AKAP8L: variants seen among roughly 807,000 people sequenced by gnomAD.
The protein encoded by AKAP8L is A-kinase anchor protein 8-like.
In AKAP8L, 34 loss-of-function variants were observed where a neutral mutation model predicts 77.5. The ratio of observed to expected loss-of-function variants is 0.44; its 90% confidence interval spans 0.33 to 0.58. AKAP8L has a LOEUF of 0.58. AKAP8L is among the 20% of genes least tolerant of loss of function. The pLI, the probability that AKAP8L is intolerant of heterozygous loss-of-function variation, is 0.02. For missense variants in AKAP8L, 806 were observed against 887.6 expected, an observed-to-expected ratio of 0.91 and a Z score of 1.17; for synonymous variants, 342 against 340.7, an observed-to-expected ratio of 1.00 and a Z score of -0.04.
chr19:15,414,050 T>C (rs1968155364), intron 1 of AKAP8L, among the ~76,000 whole-genome samples: 2 of 151,352 alleles, frequency 1.3e-5, no homozygotes, highest in Admixed American at 6.6e-5. Context: ...GCTCCTATTA[T>C]GAATAATTCT....
chr19:15,403,286 G>A lies in AKAP8L; in HGVS notation c.362+189C>T. ...GCTGACCACCAGGCAGTGCGGCAGG[G>A]GTTGAGGGTGGGTGAGAGGAGACAC... is the stretch of plus-strand genomic sequence containing the variant. On this transcript the variant is annotated intron_variant, in intron 4 of 13. Coordinates refer to ENST00000397410, the MANE Select transcript of AKAP8L (RefSeq NM_014371.4). The surrounding 1 kb of genome is among the most constrained non-coding windows in gnomAD (Gnocchi z 4.3). 1 of 611,436 alleles carries A rather than the reference G, an allele frequency of 1.6e-6. No individual in the cohort carries two copies. The highest frequency in any genetic ancestry group is 2.9e-6 in the Non-Finnish European group (1 of 344,066). 37.9% of individuals were successfully genotyped at this position (611,436 alleles called of 1,614,324 possible).
At chr19:15,400,273 C>G in intron 8 of AKAP8L, 22 bp downstream of exon 8, 1 of 1,613,616 alleles carries the variant, frequency 6.2e-7, no homozygotes, top group Non-Finnish European at 8.5e-7. Context: ...GCCCTAGCAC[C>G]AGGCACCCCA....
At chr19:15,418,880 G>A (rs529374073) in intron 1 of AKAP8L, 31 bp downstream of exon 1, 4 of 1,593,494 alleles carry the variant, frequency 2.5e-6, no homozygotes, top group African/African-American at 1.3e-5. Context: ...CATCCCCCAC[G>A]CAGAGCCCGA....
chr19:15,413,049 A>C (rs947590704), intron 1 of AKAP8L, among the ~76,000 whole-genome samples: 4 of 152,154 alleles, frequency 2.6e-5, no homozygotes, highest in South Asian at 4.1e-4. Context: ...TCTCTATTTT[A>C]TCTCTTAAGA....
chr19:15,385,199 G>A (rs1002023979), intron 12 of AKAP8L, among the ~76,000 whole-genome samples: 6 of 151,744 alleles, frequency 4.0e-5, no homozygotes, highest in Non-Finnish European at 8.8e-5. Flanking sequence ...GGATGGTCTC[G>A]ATCTCCTGAC....
In AKAP8L at chr19:15,395,893, A is replaced by G. The variant is rs2145124569; in HGVS notation, c.1536+1257T>C. On this transcript the variant is annotated intron_variant, in intron 12 of 13. Transcript: ENST00000397410. ...CAGCTACTCGGGAGGCTGAGGCAGG[A>G]GAATGGCGTGAACCCGGGAGGCGGA... 1.5e-5 allele frequency among the ~76,000 whole-genome samples: 2 copies of G among 135,618 alleles called. 1 individual carries two copies. Among genetic ancestry groups the G allele is most frequent in the South Asian group, 5.1e-4 (2 of 3,924 alleles). The allele number at this position is 135,618 out of a possible 152,430, so 89.0% of individuals were successfully genotyped here. A position where few individuals can be genotyped will look rare whatever the true frequency, so the allele number is the denominator to read the frequency against.
chr19:15,393,284 A>G (rs1729455530), intron 12 of AKAP8L, among the ~76,000 whole-genome samples: 1 of 152,216 alleles, frequency 6.6e-6, no homozygotes, highest in Non-Finnish European at 1.5e-5. Context: ...GGATTTATCA[A>G]TAGATTCTTA....
At position 15,397,477 on chromosome 19, in the gene AKAP8L, G is replaced by A. The variant is rs1351936465; in HGVS notation, c.1405+43C>T. 1.3e-6 allele frequency: 2 copies of A among 1,568,400 alleles called. No homozygotes were observed. Among genetic ancestry groups the A allele is most frequent in the Non-Finnish European group, 1.8e-6 (2 of 1,141,860 alleles). On this transcript the variant is annotated intron_variant, in intron 11 of 13. Coordinates refer to ENST00000397410, the MANE Select transcript of AKAP8L (RefSeq NM_014371.4). This position sits in a 1 kb window ranked among gnomAD's most constrained non-coding sequence, Gnocchi z 4.7. ...CCTGCACCGAAAATCAGGAGTGCAG[G>A]CTGAGGCCTTGCCTGGTGGGAGTGG...
At chr19:15,400,100 CCTGGGAAGGA>C (rs2145131044) in intron 8 of AKAP8L, 185 bp downstream of exon 8, 2 of 619,558 alleles carry the variant, frequency 3.2e-6, no homozygotes, top group Admixed American at 5.8e-5. Context: ...ACAGCCTCCG[CCTGGGAAGGA>C]GGAGGAAGAG....
At position 15,397,304 on chromosome 19, in the gene AKAP8L, C is replaced by T; in HGVS notation, c.1406-24G>A. The T allele has an allele frequency of 6.2e-7, 1 of 1,613,372 alleles. No individual in the cohort carries two copies. Among genetic ancestry groups the T allele is most frequent in the Non-Finnish European group, 8.5e-7 (1 of 1,179,610 alleles). On this transcript the variant is annotated intron_variant, in intron 11 of 13. Transcript: ENST00000397410. This position sits in a 1 kb window ranked among gnomAD's most constrained non-coding sequence, Gnocchi z 4.7. The stretch of plus-strand genomic sequence containing the variant: ...TTCTGTAGTGGGGAGGAGGGAGTCA[C>T]CACTGGGCCCAGGTGCCTAAGATAG...
Position 15,380,391 on chromosome 19 carries a change from CCTT to C in AKAP8L, c.1669_1671del (p.Lys557del). 2 of 1,586,420 alleles carry C rather than the reference CCTT, an allele frequency of 1.3e-6. No individual in the cohort carries two copies. Among genetic ancestry groups the C allele is most frequent in the Non-Finnish European group, 1.7e-6 (2 of 1,168,438 alleles). ...GCACCGCCCTCAGCCTCCTCCTGCT[CCTT>C]CTCCTCCTCGGGGCTGTCGGTGAAA... is the stretch of plus-strand genomic sequence containing the variant. On this transcript the variant is annotated inframe_deletion, in exon 14 of 14. Transcript: ENST00000397410.
At chr19:15,400,394 CTTTT>C in intron 7 of AKAP8L, 36 bp from the exon 8 acceptor site, 7 of 1,381,898 alleles carry the variant, frequency 5.1e-6, no homozygotes, top group South Asian at 1.3e-5. Context: ...AAACAGGTGC[CTTTT>C]TTTTTTTTTT....
chr19:15,397,379 T>A lies in AKAP8L; in HGVS notation c.1406-99A>T. On this transcript the variant is annotated intron_variant, in intron 11 of 13. Coordinates refer to ENST00000397410, the MANE Select transcript of AKAP8L (RefSeq NM_014371.4). The surrounding 1 kb of genome is among the most constrained non-coding windows in gnomAD (Gnocchi z 4.7). The stretch of plus-strand genomic sequence containing the variant: ...ACACCAGCTCCTCCTCAACTCGCCC[T>A]GCCACTTCCACCTGGGCCTGAGCCA... 1 of 1,522,512 alleles carries A rather than the reference T, an allele frequency of 6.6e-7. No homozygotes were observed. The highest frequency in any genetic ancestry group is 1.2e-5 in the South Asian group (1 of 85,398). 94.3% of individuals were successfully genotyped at this position (1,522,512 alleles called of 1,614,324 possible). A position where few individuals can be genotyped will look rare whatever the true frequency, so the allele number is the denominator to read the frequency against.
chr19:15,410,922 C>T (rs2145147733), intron 1 of AKAP8L, among the ~76,000 whole-genome samples: 1 of 152,338 alleles, frequency 6.6e-6, no homozygotes, highest in South Asian at 2.1e-4. Context: ...AAACAATCCT[C>T]CTGCCTCAGC....
intron 12 of AKAP8L, among the ~76,000 whole-genome samples, chr19:15,390,607 CCAGA>C (rs1267379290): frequency 1.2e-4 from 19 of 152,010 alleles, no homozygotes; most frequent in Admixed American, 1.2e-3. Flanking sequence ...GATACCCAAA[CCAGA>C]CAAATATATC....
At chr19:15,409,162 T>C (rs1968060352) in intron 2 of AKAP8L, among the ~76,000 whole-genome samples, 1 of 152,204 alleles carries the variant, frequency 6.6e-6, no homozygotes, top group African/African-American at 2.4e-5. Context: ...AATTAACAAC[T>C]TGTGTTCTTT....
At chr19:15,380,457 G>A (rs1420619018) in intron 13 of AKAP8L, 27 bp from the exon 14 acceptor site, 11 of 1,611,536 alleles carry the variant, frequency 6.8e-6, no homozygotes, top group Non-Finnish European at 8.5e-6. Flanking sequence ...GGACACTGAA[G>A]GGAGGGAGCA....
intron 12 of AKAP8L, among the ~76,000 whole-genome samples, chr19:15,391,966 G>A (rs906246651): frequency 6.6e-6 from 1 of 152,156 alleles, no homozygotes; most frequent in Non-Finnish European, 1.5e-5. Flanking sequence ...CTCCTGCGTA[G>A]CGGGGACTAC....
intron 1 of AKAP8L, among the ~76,000 whole-genome samples, chr19:15,415,619 G>A (rs1388487218): frequency 6.6e-6 from 1 of 152,120 alleles, no homozygotes; most frequent in Non-Finnish European, 1.5e-5. Flanking sequence ...GGGCGCAGTG[G>A]CTCATGCCCG....
Sources: gnomAD v4.1 joint callset for allele counts (sites outside exome capture counted in the v4.1 genomes callset) on GRCh38, gnomAD v4.1.1 for gene constraint, Gnocchi (gnomAD v3.1) non-coding constraint, MANE v1.5 for transcripts, NCBI Gene and HGNC (gene_info 2026-07-23, HGNC 2026-07-21) for gene names.